Variants in DCDC2 observed in about 807,000 individuals in gnomAD.
The protein encoded by DCDC2 is doublecortin domain-containing protein 2.
Under a neutral mutation model 50.2 loss-of-function variants are expected in DCDC2, and 40 were observed. The observed-to-expected ratio is 0.80, with a 90% confidence interval of 0.62 to 1.04. The LOEUF is 1.04. Ranked by LOEUF, DCDC2 falls within the 50% of genes least tolerant of loss-of-function variation. The pLI is 0.00. For synonymous variants in DCDC2, 234 were observed against 210.6 expected (o/e 1.11, Z -0.96); for missense variants, 570 against 581.9 (o/e 0.98, Z 0.21).
chr6:24,272,227 AAT>A (rs1454103651), intron 7 of DCDC2, among the ~76,000 whole-genome samples: 1 of 152,240 alleles, frequency 6.6e-6, no homozygotes, highest in African/African-American at 2.4e-5. Flanking sequence ...AACTTTTATT[AAT>A]AGAGTTTAAA....
intron 2 of DCDC2, among the ~76,000 whole-genome samples, chr6:24,349,367 A>C (rs1332042769): frequency 2.0e-5 from 3 of 152,242 alleles, no homozygotes; most frequent in African/African-American, 7.2e-5. Context: ...TACTCTGCCC[A>C]CTGCATTGTA....
chr6:24,212,251 T>G (rs57859236), intron 7 of DCDC2, among the ~76,000 whole-genome samples: 16,595 of 152,058 alleles, frequency 0.11, 1,173 homozygotes, highest in East Asian at 0.36. Context: ...CCTGGTGCAA[T>G]AAATGTTGGG....
intron 7 of DCDC2, among the ~76,000 whole-genome samples, chr6:24,231,994 C>CATAT (rs755739865): frequency 0.024 from 2,699 of 113,112 alleles, 67 homozygotes; most frequent in African/African-American, 0.066. Context: ...TTAGTAATTT[C>CATAT]ATATATATAT....
intron 7 of DCDC2, among the ~76,000 whole-genome samples, chr6:24,232,602 G>C (rs978551138): frequency 6.6e-6 from 1 of 152,138 alleles, no homozygotes; most frequent in Non-Finnish European, 1.5e-5. Flanking sequence ...GGCATGACTA[G>C]ACCCATATTT....
At chr6:24,261,598 G>C (rs1199615850) in intron 7 of DCDC2, among the ~76,000 whole-genome samples, 1 of 152,142 alleles carries the variant, frequency 6.6e-6, no homozygotes, top group African/African-American at 2.4e-5. Flanking sequence ...GGCTCTGAGA[G>C]GGTCCCAGCA....
intron 6 of DCDC2, among the ~76,000 whole-genome samples, chr6:24,278,848 G>A (rs11754278): frequency 0.091 from 13,874 of 152,108 alleles, 802 homozygotes; most frequent in East Asian, 0.17. Context: ...CAATATTAAC[G>A]AGTCTGTTGG....
chr6:24,197,791 T>A (rs1761479549), intron 8 of DCDC2, among the ~76,000 whole-genome samples: 1 of 152,110 alleles, frequency 6.6e-6, no homozygotes, highest in Non-Finnish European at 1.5e-5. Context: ...AGAAAAAAAA[T>A]ATCATATAGT....
rs962387857 is a variant in DCDC2 at position 24,178,500 on chromosome 6, CA to C, written c.1155del (p.Glu386SerfsTer19). ...TGATCCAGAATCTCCTCGACTTGCTCAGGGGCATCTGTAGCCTCCCTACCTC... is the reference window on the plus strand; with the variant it reads ...TGATCCAGAATCTCCTCGACTTGCTCGGGGCATCTGTAGCCTCCCTACCTC... ...EEGGREATDA[P>X]EQVEEILDHS... On this transcript the variant is annotated frameshift_variant, in exon 9 of 10. Coordinates refer to ENST00000378454, the MANE Select transcript of DCDC2 (RefSeq NM_016356.5). LOFTEE classifies it high-confidence loss of function. 2 of 1,614,064 alleles carry C rather than the reference CA, an allele frequency of 1.2e-6. No individual in the cohort carries two copies. The highest frequency in any genetic ancestry group is 8.5e-7 in the Non-Finnish European group (1 of 1,180,048).
chr6:24,355,247 A>G (rs1395916310), intron 1 of DCDC2, among the ~76,000 whole-genome samples: 5 of 152,000 alleles, frequency 3.3e-5, no homozygotes, highest in Admixed American at 6.6e-5. Context: ...ACTTGAGTAC[A>G]CTTTTTTATT....
At position 24,358,023 on chromosome 6, in the gene DCDC2, T is replaced by C. The variant is rs1760514604; in HGVS notation, c.-273A>G. 8.8e-6 allele frequency: 11 copies of C among 1,247,596 alleles called. No homozygotes were observed. Among genetic ancestry groups the C allele is most frequent in the Non-Finnish European group, 1.1e-5 (10 of 919,770 alleles). 77.3% of individuals were successfully genotyped at this position (1,247,596 alleles called of 1,614,324 possible). A position where few individuals can be genotyped will look rare whatever the true frequency, so the allele number is the denominator to read the frequency against. Reference sequence around the variant, plus strand: ...CCGCAGTGCGCGCACCACACCAGGTTCACCTGCTACGGGCAGAATCAAGGT... The same window carrying C: ...CCGCAGTGCGCGCACCACACCAGGTCCACCTGCTACGGGCAGAATCAAGGT... On this transcript the variant is annotated 5_prime_UTR_variant, in exon 1 of 10. Coordinates refer to ENST00000378454, the MANE Select transcript of DCDC2 (RefSeq NM_016356.5).
At chr6:24,299,686 G>A (rs1369362969) in intron 4 of DCDC2, among the ~76,000 whole-genome samples, 4 of 152,120 alleles carry the variant, frequency 2.6e-5, no homozygotes, top group African/African-American at 7.2e-5. Context: ...GGCCAAGGCG[G>A]GTGGATTGCT....
At chr6:24,213,768 A>G (rs1323268908) in intron 7 of DCDC2, among the ~76,000 whole-genome samples, 1 of 152,164 alleles carries the variant, frequency 6.6e-6, no homozygotes, top group Non-Finnish European at 1.5e-5. Context: ...GCAGGTTCAC[A>G]TGTAATAACA....
chr6:24,353,607 C>T lies in DCDC2; in HGVS notation c.310G>A (p.Glu104Lys). The T allele has an allele frequency of 1.3e-6, 2 of 1,592,276 alleles. No individual in the cohort carries two copies. Among genetic ancestry groups the T allele is most frequent in the Non-Finnish European group, 1.7e-6 (2 of 1,168,366 alleles). The change falls in exon 2 of 10, where the codon GAA (glutamate) becomes AAA (lysine). Residue 104 changes from glutamate to lysine, a missense_variant. By Grantham distance (56) the Glu-to-Lys change is moderately conservative. Transcript: ENST00000378454. ...ACTTCCATTGGTCTTTTCTTGATTT[C>T]TCCTATGTCCAAGTAACTGAGGAAA... ...FKKLNYLDIG[E>K]IKKRPMEVVN...
chr6:24,363,468 T>G, the DCDC2 span, among the ~76,000 whole-genome samples: 1 of 152,168 alleles, frequency 6.6e-6, no homozygotes, highest in African/African-American at 2.4e-5. Context: ...GCCGTTACAC[T>G]GCAGCCTGGG....
chr6:24,243,018 T>A (rs1762597110), intron 7 of DCDC2, among the ~76,000 whole-genome samples: 1 of 149,992 alleles, frequency 6.7e-6, no homozygotes, highest in South Asian at 2.1e-4. Context: ...AAGGAATATA[T>A]CCCCCTGAGA....
At chr6:24,311,480 G>C (rs1759569819) in intron 2 of DCDC2, among the ~76,000 whole-genome samples, 1 of 152,110 alleles carries the variant, frequency 6.6e-6, no homozygotes, top group Non-Finnish European at 1.5e-5. Flanking sequence ...CAATTTTTGA[G>C]CATATATTAT....
chr6:24,211,864 T>C (rs1761878509), intron 7 of DCDC2, among the ~76,000 whole-genome samples: 1 of 152,184 alleles, frequency 6.6e-6, no homozygotes, highest in East Asian at 1.9e-4. Context: ...GCACCATGTT[T>C]GCGGTGATTT....
the DCDC2 span, among the ~76,000 whole-genome samples, chr6:24,373,279 A>G: frequency 6.6e-6 from 1 of 152,256 alleles, no homozygotes; most frequent in Admixed American, 6.5e-5. Context: ...GCATCAGGAG[A>G]CATCTACAAC....
At chr6:24,342,701 A>T (rs1385372406) in intron 2 of DCDC2, among the ~76,000 whole-genome samples, 1 of 152,190 alleles carries the variant, frequency 6.6e-6, no homozygotes, top group Non-Finnish European at 1.5e-5. Flanking sequence ...ATTAAAAAAA[A>T]AAAAGGGTTT....
Sources: gnomAD v4.1 joint callset for allele counts (sites outside exome capture counted in the v4.1 genomes callset) on GRCh38, gnomAD v4.1.1 for gene constraint, MANE v1.5 for transcripts, NCBI Gene and HGNC (gene_info 2026-07-23, HGNC 2026-07-21) for gene names.